Variants in RARB observed in about 807,000 individuals in gnomAD.
RARB encodes the protein HBV-activated protein.
A neutral mutation model predicts 51.9 loss-of-function variants in RARB; 17 were observed. That is an observed-to-expected ratio of 0.33 (90% CI 0.22 to 0.49). RARB has a LOEUF of 0.49. Among genes scored for constraint, RARB ranks in the 20% least tolerant of loss-of-function variants. The pLI, the probability that RARB is intolerant of heterozygous loss-of-function variation, is 0.99. For missense variants in RARB, 369 were observed against 550.8 expected, an observed-to-expected ratio of 0.67 and a Z score of 3.30; for synonymous variants, 215 against 195.4, an observed-to-expected ratio of 1.10 and a Z score of -0.84.
At chr3:25,079,280 C>T (rs192590747) in intron 3 of RARB, among the ~76,000 whole-genome samples, 3 of 152,092 alleles carry the variant, frequency 2.0e-5, no homozygotes, top group Admixed American at 2.0e-4. Flanking sequence ...ATATCTTAGC[C>T]CTTGTAATGG....
At chr3:25,264,401 T>G (rs1703078069) in intron 5 of RARB, among the ~76,000 whole-genome samples, 1 of 152,134 alleles carries the variant, frequency 6.6e-6, no homozygotes, top group African/African-American at 2.4e-5. Context: ...AGACCCAGTC[T>G]CCAGCAAAAC....
intron 1 of RARB, among the ~76,000 whole-genome samples, chr3:24,850,321 G>C (rs971638054): frequency 1.1e-4 from 16 of 152,216 alleles, no homozygotes; most frequent in Non-Finnish European, 1.8e-4. Flanking sequence ...GAGCTGAGTA[G>C]TTGTGAGAGA....
chr3:25,436,403 G>A (rs1442617879), intron 1 of RARB, among the ~76,000 whole-genome samples: 2 of 152,188 alleles, frequency 1.3e-5, no homozygotes, highest in African/African-American at 4.8e-5. Flanking sequence ...TTCTGGAACT[G>A]TTTCATGTTT....
intron 5 of RARB, among the ~76,000 whole-genome samples, chr3:25,313,040 T>C (rs1317749318): frequency 6.6e-6 from 1 of 152,250 alleles, no homozygotes; most frequent in East Asian, 1.9e-4. Flanking sequence ...CATTTGAATG[T>C]GGGCAGATTA....
chr3:25,161,203 ATTAT>A (rs1342497465), intron 4 of RARB, among the ~76,000 whole-genome samples: 1,785 of 149,136 alleles, frequency 0.012, 33 homozygotes, highest in African/African-American at 0.039. Context: ...TATTATTATT[ATTAT>A]TATTATTATT....
chr3:25,242,046 A>C (rs967888858), intron 5 of RARB, among the ~76,000 whole-genome samples: 1 of 152,110 alleles, frequency 6.6e-6, no homozygotes, highest in African/African-American at 2.4e-5. Flanking sequence ...TTTGATTTGC[A>C]TTTCTCTAAT....
At chr3:25,400,249 A>G (rs1707228300) in intron 5 of RARB, among the ~76,000 whole-genome samples, 1 of 152,152 alleles carries the variant, frequency 6.6e-6, no homozygotes, top group Non-Finnish European at 1.5e-5. Context: ...TCTTTCCCAC[A>G]CAAAAGTTAC....
intron 5 of RARB, among the ~76,000 whole-genome samples, chr3:25,416,295 G>T (rs866149327): frequency 1.9e-4 from 29 of 152,144 alleles, no homozygotes; most frequent in African/African-American, 6.8e-4. Context: ...GGGTTGAGGC[G>T]GGAGGATCGC....
intron 1 of RARB, among the ~76,000 whole-genome samples, chr3:25,458,896 C>A (rs150137308): frequency 5.9e-5 from 9 of 152,236 alleles, no homozygotes; most frequent in African/African-American, 2.2e-4. Context: ...TAGAGGGACT[C>A]TTAGTGCTCA....
At position 25,122,940 on chromosome 3, in the gene RARB, T is replaced by C. The variant is rs118121158; in HGVS notation, c.-327-9221T>C. ...TGGCACCTTGTCATCTTGACATTTA[T>C]GTCATAAAAGGCAAGTTATCTACCC... On this transcript the variant is annotated intron_variant, in intron 3 of 11. Transcript: ENST00000383772. Among the ~76,000 whole-genome samples, 82 of 152,308 alleles carry C rather than the reference T, an allele frequency of 5.4e-4. 2 individuals are homozygous for C. The highest frequency in any genetic ancestry group is 6.8e-3 in the Middle Eastern group (2 of 294).
intron 2 of RARB, among the ~76,000 whole-genome samples, chr3:24,906,080 G>C (rs1201226839): frequency 6.6e-6 from 1 of 152,156 alleles, no homozygotes; most frequent in African/African-American, 2.4e-5. Flanking sequence ...CAAAAAATTA[G>C]AACAAAGGAA....
intron 5 of RARB, among the ~76,000 whole-genome samples, chr3:25,208,978 A>C (rs1701628918): frequency 6.6e-6 from 1 of 152,230 alleles, no homozygotes; most frequent in African/African-American, 2.4e-5. Context: ...GGTCTAGGCT[A>C]ATGTTTGCAA....
chr3:25,536,459 C>T (rs756069150), intron 3 of RARB, among the ~76,000 whole-genome samples: 1 of 152,108 alleles, frequency 6.6e-6, no homozygotes, highest in Non-Finnish European at 1.5e-5. Context: ...CATAAGCTAG[C>T]TTACAGTAAA....
intron 2 of RARB, among the ~76,000 whole-genome samples, chr3:25,057,558 G>C (rs766530903): frequency 1.3e-5 from 2 of 151,990 alleles, no homozygotes; most frequent in African/African-American, 2.4e-5. Flanking sequence ...GAGTAACTTT[G>C]AATCCAATTT....
chr3:25,085,839 C>A (rs1034380746), intron 3 of RARB, among the ~76,000 whole-genome samples: 18 of 152,094 alleles, frequency 1.2e-4, no homozygotes, highest in African/African-American at 4.3e-4. Flanking sequence ...AATTCCTTTG[C>A]ACTATTATTG....
intron 5 of RARB, among the ~76,000 whole-genome samples, chr3:25,195,559 T>G (rs1185209541): frequency 6.6e-6 from 1 of 152,012 alleles, no homozygotes; most frequent in Non-Finnish European, 1.5e-5. Flanking sequence ...CTTTCCAACT[T>G]TACTGAATTC....
intron 5 of RARB, among the ~76,000 whole-genome samples, chr3:25,305,731 A>G (rs923502363): frequency 1.3e-5 from 2 of 152,210 alleles, no homozygotes; most frequent in African/African-American, 4.8e-5. Context: ...GAAGAGCAGA[A>G]AGAGCTTGGG....
At chr3:24,839,416 A>T (rs556721382) in intron 1 of RARB, among the ~76,000 whole-genome samples, 7 of 152,032 alleles carry the variant, frequency 4.6e-5, no homozygotes, top group African/African-American at 1.4e-4. Context: ...AAAAAATGGG[A>T]AGGAAGCCAG....
chr3:25,540,727 G>A (rs919291077), intron 3 of RARB, among the ~76,000 whole-genome samples: 4 of 152,344 alleles, frequency 2.6e-5, no homozygotes, highest in Middle Eastern at 3.4e-3. Context: ...TGGAGGAGGA[G>A]TGAGAGAGAG....
Sources: allele counts gnomAD v4.1 joint callset (sites outside exome capture counted in the v4.1 genomes callset), GRCh38; gene constraint gnomAD v4.1.1; transcripts MANE v1.5; gene names NCBI Gene and HGNC (gene_info 2026-07-23, HGNC 2026-07-21).